LRRC7: variants seen among roughly 807,000 people sequenced by gnomAD.
The protein encoded by LRRC7 is leucine rich repeat containing 7, also known as leucine-rich repeat-containing protein 7.
LRRC7 carries 23 observed loss-of-function variants against 175.7 expected under a neutral mutation model. That is an observed-to-expected ratio of 0.13 (90% CI 0.09 to 0.19). The LOEUF (loss-of-function observed/expected upper bound fraction) is 0.19. Ranked by LOEUF, LRRC7 falls within the 10% of genes least tolerant of loss-of-function variation. The pLI is 1.00. For synonymous variants in LRRC7, 685 were observed against 680.9 expected, an observed-to-expected ratio of 1.01 and a Z score of -0.09; for missense variants, 1,354 against 1,904.7, an observed-to-expected ratio of 0.71 and a Z score of 5.38.
At chr1:69,866,049 A>C (rs932528944) in intron 7 of LRRC7, among the ~76,000 whole-genome samples, 5 of 152,232 alleles carry the variant, frequency 3.3e-5, no homozygotes, top group African/African-American at 1.2e-4. Flanking sequence ...CTCAAATGGC[A>C]AAAGAATGAA....
chr1:69,593,312 A>C (rs563417836), intron 1 of LRRC7, among the ~76,000 whole-genome samples: 1 of 152,230 alleles, frequency 6.6e-6, no homozygotes, highest in Non-Finnish European at 1.5e-5. Flanking sequence ...TAGAATCCAA[A>C]CGTATTTAGT....
intron 2 of LRRC7, among the ~76,000 whole-genome samples, chr1:69,682,965 T>C (rs182848695): frequency 6.6e-6 from 1 of 152,230 alleles, no homozygotes; most frequent in African/African-American, 2.4e-5. Flanking sequence ...GCAGTATTAG[T>C]TTTTCCTATA....
At chr1:69,602,366 T>C (rs912307447) in intron 1 of LRRC7, among the ~76,000 whole-genome samples, 3 of 152,188 alleles carry the variant, frequency 2.0e-5, no homozygotes, top group South Asian at 2.1e-4. Context: ...AAGTACAAGA[T>C]GGTGAATGTC....
At chr1:70,047,569 C>G (rs972684916) in intron 22 of LRRC7, among the ~76,000 whole-genome samples, 15 of 152,214 alleles carry the variant, frequency 9.9e-5, no homozygotes, top group African/African-American at 3.6e-4. Flanking sequence ...AAGAACTCTG[C>G]ACTTGATAAA....
intron 8 of LRRC7, among the ~76,000 whole-genome samples, chr1:69,936,005 AT>A (rs958367890): frequency 1.1e-4 from 16 of 151,810 alleles, no homozygotes; most frequent in East Asian, 1.9e-4. Context: ...TGTACTGTGT[AT>A]TTTTTTTCCA....
chr1:70,083,478 G>A (rs1663375268), intron 24 of LRRC7, among the ~76,000 whole-genome samples: 1 of 152,046 alleles, frequency 6.6e-6, no homozygotes, highest in African/African-American at 2.4e-5. Flanking sequence ...ATACCATGAA[G>A]CATTCTTTCT....
intron 7 of LRRC7, among the ~76,000 whole-genome samples, chr1:69,893,459 G>A (rs965330080): frequency 1.3e-5 from 2 of 152,236 alleles, no homozygotes; most frequent in East Asian, 3.9e-4. Context: ...ATGTCATTTG[G>A]TATGGATAAT....
chr1:69,990,653 C>G (rs1654350710), intron 10 of LRRC7, among the ~76,000 whole-genome samples: 1 of 151,910 alleles, frequency 6.6e-6, no homozygotes, highest in Non-Finnish European at 1.5e-5. Flanking sequence ...GTAAATGTAT[C>G]TACTTAATAG....
intron 8 of LRRC7, among the ~76,000 whole-genome samples, chr1:69,961,936 T>G (rs916338102): frequency 3.3e-5 from 5 of 152,006 alleles, no homozygotes; most frequent in African/African-American, 1.2e-4. Flanking sequence ...GGGCAAAGAT[T>G]TCATGACTAA....
chr1:69,737,543 C>T (rs1005480653), intron 2 of LRRC7, among the ~76,000 whole-genome samples: 3 of 151,980 alleles, frequency 2.0e-5, no homozygotes, highest in Non-Finnish European at 4.4e-5. Context: ...TTGATGCTAC[C>T]CTTTGTAGCT....
intron 8 of LRRC7, among the ~76,000 whole-genome samples, chr1:69,947,108 AAAAT>A (rs369706064): frequency 0.059 from 8,646 of 147,024 alleles, 478 homozygotes; most frequent in African/African-American, 0.14. Context: ...ACTGTGTCTC[AAAAT>A]AAATAAATAA....
chr1:69,902,874 A>G lies in LRRC7; in HGVS notation c.648-28633A>G, dbSNP rs904317227. Among the ~76,000 whole-genome samples, 9 of 152,344 alleles carry G rather than the reference A, an allele frequency of 5.9e-5. No individual in the cohort carries two copies. In the East Asian group the frequency reaches 1.5e-3, roughly 26 times the overall value. On this transcript the variant is annotated intron_variant, in intron 7 of 26. Transcript: ENST00000651989. ...ATAATTACCCATAAGAAATAATGCA[A>G]TTAGACTTCGTGTCTTTTACAGTTC...
At chr1:69,772,725 T>G (rs1319873562) in intron 3 of LRRC7, among the ~76,000 whole-genome samples, 1 of 152,016 alleles carries the variant, frequency 6.6e-6, no homozygotes, top group African/African-American at 2.4e-5. Context: ...TTAACAAAAT[T>G]TGATAATGAA....
chr1:69,968,314 C>T (rs145526750), intron 8 of LRRC7, among the ~76,000 whole-genome samples: 2,483 of 152,074 alleles, frequency 0.016, 33 homozygotes, highest in Non-Finnish European at 0.024. Context: ...TTATGTTAAA[C>T]GACCAAACCT....
rs754639030 is a variant in LRRC7, at chr1:70,089,768, T to C, written c.4494T>C (p.Ser1498=). 1 of 1,610,598 alleles carries C rather than the reference T, an allele frequency of 6.2e-7. No individual in the cohort carries two copies. The highest frequency in any genetic ancestry group is 8.5e-7 in the Non-Finnish European group (1 of 1,177,870). ...AAAAGAATCCTGGCCTTGGATTTAG[T>C]ATCAGTGGTGGAATTAGTGGACAAG... The part of the protein sequence containing the change: ...RIEKNPGLGF[S]ISGGISGQGN... Residue 1498 remains serine, a synonymous_variant, in exon 25 of 27, where the codon AGT becomes AGC. Transcript: ENST00000651989.
intron 11 of LRRC7, among the ~76,000 whole-genome samples, chr1:70,001,040 T>A (rs1655470985): frequency 1.3e-5 from 2 of 152,176 alleles, no homozygotes. Flanking sequence ...TATTTTGTCA[T>A]CTCATTATTT....
chr1:69,898,720 G>T (rs79460999), intron 7 of LRRC7, among the ~76,000 whole-genome samples: 2,580 of 151,182 alleles, frequency 0.017, 76 homozygotes, highest in African/African-American at 0.06. Flanking sequence ...AAGTGGTCAG[G>T]AACTTCTGTA....
intron 23 of LRRC7, among the ~76,000 whole-genome samples, chr1:70,071,910 A>T (rs1044083386): frequency 6.6e-6 from 1 of 152,196 alleles, no homozygotes; most frequent in East Asian, 1.9e-4. Flanking sequence ...CATGTCTTTT[A>T]TATTATACAA....
intron 4 of LRRC7, among the ~76,000 whole-genome samples, chr1:69,805,435 G>A (rs1435430570): frequency 6.6e-6 from 1 of 151,816 alleles, no homozygotes; most frequent in East Asian, 1.9e-4. Flanking sequence ...ATGGTACCAT[G>A]CAATTGTTCT....
Sources: gnomAD v4.1 joint callset for allele counts (sites outside exome capture counted in the v4.1 genomes callset) on GRCh38, gnomAD v4.1.1 for gene constraint, MANE v1.5 for transcripts, NCBI Gene and HGNC (gene_info 2026-07-23, HGNC 2026-07-21) for gene names.